Variants in RANBP2 observed in about 807,000 individuals in gnomAD.
RANBP2 encodes the protein E3 SUMO-protein ligase RanBP2.
A neutral mutation model predicts 303.6 loss-of-function variants in RANBP2; 57 were observed. The observed-to-expected ratio is 0.19, with a 90% CI of 0.15 to 0.23. RANBP2 has a LOEUF of 0.23. Among genes scored for constraint, RANBP2 ranks in the 10% least tolerant of loss-of-function variants. RANBP2 has a pLI of 1.00. For synonymous variants in RANBP2, 1,167 were observed against 1,301.5 expected (o/e 0.90, Z 2.23); for missense variants, 3,138 against 3,780.8 (o/e 0.83, Z 4.46).
the RANBP2 span, among the ~76,000 whole-genome samples, chr2:109,298,338 C>T: frequency 0.011 from 1,643 of 152,182 alleles, 28 homozygotes; most frequent in African/African-American, 0.038. Context: ...TCATCCTTGT[C>T]CCTGCAGTTC....
chr2:109,645,100 A>G, the RANBP2 span, among the ~76,000 whole-genome samples: 1 of 152,216 alleles, frequency 6.6e-6, no homozygotes. Context: ...CATGGCAGCA[A>G]GGTTGCTCTT....
chr2:109,667,177 CA>C, the RANBP2 span: 2 of 1,337,556 alleles, frequency 1.5e-6, no homozygotes, highest in Non-Finnish European at 2.1e-6. Flanking sequence ...CTGCACATTC[CA>C]AAAGCCTTGC....
the RANBP2 span, among the ~76,000 whole-genome samples, chr2:109,300,343 C>T: frequency 6.6e-6 from 1 of 152,078 alleles, no homozygotes; most frequent in African/African-American, 2.4e-5. Context: ...CCATGTCTGG[C>T]TAATTTTTGT....
the RANBP2 span, among the ~76,000 whole-genome samples, chr2:109,455,507 A>G: frequency 1.5e-5 from 2 of 133,368 alleles, no homozygotes; most frequent in East Asian, 4.3e-4. Context: ...AAATATATGT[A>G]TATCTCATAT....
chr2:108,931,003 C>T, the RANBP2 span: 7 of 1,614,032 alleles, frequency 4.3e-6, no homozygotes, highest in Admixed American at 3.3e-5. Flanking sequence ...TGCAGTCCCC[C>T]ACATGGGCCA....
At chr2:109,244,759 C>G in the RANBP2 span, among the ~76,000 whole-genome samples, 163 of 152,318 alleles carry the variant, frequency 1.1e-3, no homozygotes, top group African/African-American at 3.3e-3. Context: ...AATGCCCGGG[C>G]CCTTGAGGCA....
chr2:109,162,308 G>A, the RANBP2 span, among the ~76,000 whole-genome samples: 1 of 152,202 alleles, frequency 6.6e-6, no homozygotes, highest in Non-Finnish European at 1.5e-5. Context: ...TGTAAATACA[G>A]CTACTGCGAG....
At chr2:109,164,659 C>G in the RANBP2 span, among the ~76,000 whole-genome samples, 1 of 152,268 alleles carries the variant, frequency 6.6e-6, no homozygotes, top group Non-Finnish European at 1.5e-5. Flanking sequence ...AAAAAGAGCA[C>G]TTACTTGTAT....
chr2:109,442,011 C>T, the RANBP2 span, among the ~76,000 whole-genome samples: 1 of 152,094 alleles, frequency 6.6e-6, no homozygotes, highest in Admixed American at 6.5e-5. Flanking sequence ...GATTTTGTCT[C>T]TAATAAATCC....
chr2:109,383,949 C>T, the RANBP2 span, among the ~76,000 whole-genome samples: 1 of 152,208 alleles, frequency 6.6e-6, no homozygotes, highest in Non-Finnish European at 1.5e-5. Flanking sequence ...TGATGACAGT[C>T]TAGAGGCTTC....
chr2:109,242,862 T>A, the RANBP2 span, among the ~76,000 whole-genome samples: 1 of 152,194 alleles, frequency 6.6e-6, no homozygotes, highest in Non-Finnish European at 1.5e-5. Context: ...CTGCTTCAGA[T>A]TATCTATTCT....
chr2:109,383,313 G>A, the RANBP2 span, among the ~76,000 whole-genome samples: 2 of 152,162 alleles, frequency 1.3e-5, no homozygotes, highest in African/African-American at 4.8e-5. Flanking sequence ...GTCACTGGGG[G>A]GTCATGGGGG....
At chr2:109,093,115 T>A in the RANBP2 span, among the ~76,000 whole-genome samples, 1 of 152,232 alleles carries the variant, frequency 6.6e-6, no homozygotes, top group Non-Finnish European at 1.5e-5. Flanking sequence ...CCCTAAAAGT[T>A]ATCTTGAGCA....
Position 108,785,341 on chromosome 2 carries a change from TTACAC to T in RANBP2, c.*1443_*1447del, listed in dbSNP as rs942157266. The T allele has an allele frequency of 6.6e-6, 1 of 152,208 alleles. No homozygotes were observed. The highest frequency in any genetic ancestry group is 6.5e-5 in the Admixed American group (1 of 15,288). The allele number at this position is 152,208 out of a possible 1,614,324, so 9.4% of individuals were successfully genotyped here. A position where few individuals can be genotyped will look rare whatever the true frequency, so the allele number is the denominator to read the frequency against. On this transcript the variant is annotated 3_prime_UTR_variant, in exon 29 of 29. Coordinates refer to ENST00000283195, the MANE Select transcript of RANBP2 (RefSeq NM_006267.5). ...GTCTTGAACCATGGATTACATATGT[TTACAC>T]TAAATATTTCAAATTGGCTTATTTG...
chr2:108,980,979 C>A, the RANBP2 span, among the ~76,000 whole-genome samples: 1 of 62,092 alleles, frequency 1.6e-5, no homozygotes, highest in South Asian at 8.1e-4. Context: ...CGGACTAGAC[C>A]GTGGGAATGA....
the RANBP2 span, among the ~76,000 whole-genome samples, chr2:109,248,114 G>C: frequency 6.6e-6 from 1 of 152,312 alleles, no homozygotes; most frequent in South Asian, 2.1e-4. Context: ...CCACCACAAA[G>C]TCCACTGCCT....
At chr2:108,940,191 A>G in the RANBP2 span, 1 of 152,282 alleles carries the variant, frequency 6.6e-6, no homozygotes, top group African/African-American at 2.4e-5. Context: ...AGAGGCGGTA[A>G]AGATGACTGC....
chr2:109,530,271 G>A, the RANBP2 span, among the ~76,000 whole-genome samples: 4 of 152,136 alleles, frequency 2.6e-5, no homozygotes, highest in African/African-American at 9.7e-5. Context: ...ACAAAGGAGC[G>A]GCATGTGGTC....
the RANBP2 span, chr2:108,929,275 A>C: frequency 1.2e-6 from 2 of 1,614,184 alleles, no homozygotes; most frequent in South Asian, 2.2e-5. Context: ...AGAAGCCCTC[A>C]CAGTCTTTGT....
Sources: gnomAD v4.1 joint callset for allele counts (sites outside exome capture counted in the v4.1 genomes callset) on GRCh38, gnomAD v4.1.1 for gene constraint, MANE v1.5 for transcripts, NCBI Gene and HGNC (gene_info 2026-07-23, HGNC 2026-07-21) for gene names.